The following RYR2 variants were observed in gnomAD, a reference collection of about 807,000 sequenced individuals.
The protein encoded by RYR2 is cardiac muscle ryanodine receptor-calcium release channel.
RYR2 carries 227 observed loss-of-function variants against 601.1 expected under a neutral mutation model. The observed-to-expected ratio is 0.38, with a 90% CI of 0.34 to 0.42. The LOEUF (loss-of-function observed/expected upper bound fraction) is 0.42, where lower values mean the gene tolerates loss of function less well. Ranked by LOEUF, RYR2 falls within the 10% of genes least tolerant of loss-of-function variation. RYR2 has a pLI of 1.00. For synonymous variants in RYR2, 2,223 were observed against 2,175.1 expected (o/e 1.02, Z -0.61); for missense variants, 4,646 against 6,156.5 (o/e 0.75, Z 8.21).
At chr1:237,150,434 G>C (rs1234692507) in intron 1 of RYR2, among the ~76,000 whole-genome samples, 1 of 152,152 alleles carries the variant, frequency 6.6e-6, no homozygotes, top group Non-Finnish European at 1.5e-5. Context: ...ATAGGGCTGG[G>C]ATGGAATCTT....
intron 104 of RYR2, among the ~76,000 whole-genome samples, chr1:237,831,774 A>C (rs1316910813): frequency 1.3e-5 from 2 of 152,248 alleles, no homozygotes; most frequent in Non-Finnish European, 2.9e-5. Flanking sequence ...TATGTAACAC[A>C]ATAAGCTTTT....
chr1:237,101,011 G>A lies in RYR2; in HGVS notation c.48+58442G>A, dbSNP rs12070071. On this transcript the variant is annotated intron_variant, in intron 1 of 104. Coordinates refer to ENST00000366574, the MANE Select transcript of RYR2 (RefSeq NM_001035.3). ...CGCCTCACTTCCTAAGCTGACAGAC[G>A]TGTCTGCTAGGGACCACCAGCTCCC... 4.3e-3 allele frequency among the ~76,000 whole-genome samples: 651 copies of A among 152,126 alleles called. 3 individuals are homozygous for A. Among genetic ancestry groups the A allele is most frequent in the African/African-American group, 0.015 (618 of 41,506 alleles).
intron 102 of RYR2, chr1:237,830,319 T>G (rs1036497559): frequency 2.2e-6 from 1 of 445,194 alleles, no homozygotes; most frequent in Non-Finnish European, 4.1e-6. Context: ...TGCTACTTCT[T>G]GCTGCTGGTA....
chr1:237,254,132 C>G (rs1036130570), intron 1 of RYR2, among the ~76,000 whole-genome samples: 5 of 152,136 alleles, frequency 3.3e-5, no homozygotes, highest in African/African-American at 1.2e-4. Context: ...TACCATGCCC[C>G]ATGTTTTTGC....
chr1:237,590,623 G>A lies in RYR2; in HGVS notation c.3808-17G>A, dbSNP rs374061574. On this transcript the variant is annotated splice_polypyrimidine_tract_variant and intron_variant, in intron 30 of 104. Transcript: ENST00000366574. ...AATGGTGATTGGAATGTGAACTATC[G>A]CTTCTTCGTTTGCTAGGTGACCAGA... is the stretch of plus-strand genomic sequence containing the variant. 1.9e-5 allele frequency: 29 copies of A among 1,491,666 alleles called. No homozygotes were observed. Among genetic ancestry groups the A allele is most frequent in the Middle Eastern group, 3.6e-4 (2 of 5,554 alleles). The allele number at this position is 1,491,666 out of a possible 1,614,324, so 92.4% of individuals were successfully genotyped here.
chr1:237,556,542 G>C (rs926026964), intron 27 of RYR2, among the ~76,000 whole-genome samples: 5 of 148,962 alleles, frequency 3.4e-5, no homozygotes, highest in Admixed American at 2.0e-4. Flanking sequence ...AACTCCTGAT[G>C]TTGTGATCCA....
chr1:237,220,594 G>A (rs7541818), intron 1 of RYR2, among the ~76,000 whole-genome samples: 60,292 of 151,964 alleles, frequency 0.4, 12,401 homozygotes, highest in East Asian at 0.58. Flanking sequence ...TCTGTTTCTC[G>A]GGAGACACCT....
At chr1:237,437,155 C>G (rs1481114186) in intron 12 of RYR2, among the ~76,000 whole-genome samples, 1 of 151,982 alleles carries the variant, frequency 6.6e-6, no homozygotes, top group Non-Finnish European at 1.5e-5. Flanking sequence ...CGCCATTCTC[C>G]TGCCTCAGCC....
At chr1:237,727,528 A>G (rs1198185095) in intron 76 of RYR2, among the ~76,000 whole-genome samples, 1 of 152,056 alleles carries the variant, frequency 6.6e-6, no homozygotes, top group Non-Finnish European at 1.5e-5. Flanking sequence ...CTTGATTTGA[A>G]TTCTGACCTC....
chr1:237,382,676 T>C (rs1375203576), intron 8 of RYR2, among the ~76,000 whole-genome samples: 1 of 152,068 alleles, frequency 6.6e-6, no homozygotes, highest in African/African-American at 2.4e-5. Context: ...GGTTTTAAAT[T>C]TCTAATAAAA....
chr1:237,576,523 T>C (rs10157121), intron 29 of RYR2, among the ~76,000 whole-genome samples: 43,180 of 151,684 alleles, frequency 0.28, 6,555 homozygotes, highest in East Asian at 0.6. Flanking sequence ...CTGTGACAAA[T>C]GGGGATCTGT....
At chr1:237,062,938 G>A (rs1201985365) in intron 1 of RYR2, among the ~76,000 whole-genome samples, 1 of 151,586 alleles carries the variant, frequency 6.6e-6, no homozygotes, top group South Asian at 2.1e-4. Context: ...AAAAATATCA[G>A]TTTAGAATTA....
At chr1:237,716,643 A>C (rs982203633) in intron 71 of RYR2, among the ~76,000 whole-genome samples, 2 of 152,146 alleles carry the variant, frequency 1.3e-5, no homozygotes, top group Non-Finnish European at 2.9e-5. Context: ...ATGAAACTCC[A>C]ATGAGTATAT....
intron 12 of RYR2, among the ~76,000 whole-genome samples, chr1:237,432,175 C>T (rs906443676): frequency 1.7e-4 from 25 of 146,176 alleles, no homozygotes; most frequent in African/African-American, 6.2e-4. Flanking sequence ...TCCCTTCATT[C>T]CATGTATCCC....
At chr1:237,088,565 T>A (rs1348028812) in intron 1 of RYR2, among the ~76,000 whole-genome samples, 1 of 152,060 alleles carries the variant, frequency 6.6e-6, no homozygotes, top group Non-Finnish European at 1.5e-5. Flanking sequence ...GGCATTGGTG[T>A]TGTACGTTTC....
intron 1 of RYR2, among the ~76,000 whole-genome samples, chr1:237,250,263 A>G (rs1373031371): frequency 6.6e-6 from 1 of 152,142 alleles, no homozygotes; most frequent in Non-Finnish European, 1.5e-5. Flanking sequence ...CACAGACACT[A>G]TCATGATCAG....
rs150681228 is a variant in RYR2 at position 237,219,148 on chromosome 1, A to G, written c.49-51349A>G. Among the ~76,000 whole-genome samples the G allele has an allele frequency of 3.1e-3, 465 of 151,006 alleles. 1 individual carries two copies. Among genetic ancestry groups the G allele is most frequent in the Middle Eastern group, 0.031 (9 of 294 alleles). ...TGCCTCAGCCTCTCGAATAGCTGGG[A>G]TTACAGGCCTGTGCCACCCCGCCCA... is the stretch of plus-strand genomic sequence containing the variant. On this transcript the variant is annotated intron_variant, in intron 1 of 104. Transcript: ENST00000366574.
At chr1:237,047,759 C>T (rs1003209378) in intron 1 of RYR2, among the ~76,000 whole-genome samples, 2 of 152,118 alleles carry the variant, frequency 1.3e-5, no homozygotes, top group African/African-American at 4.8e-5. Flanking sequence ...CATTTCTGAT[C>T]ATGCTTTTTC....
intron 17 of RYR2, among the ~76,000 whole-genome samples, chr1:237,487,548 C>T (rs764718053): frequency 7.4e-6 from 1 of 135,932 alleles, no homozygotes; most frequent in Non-Finnish European, 1.5e-5. Flanking sequence ...AGACCACCCC[C>T]GTCTCTACAA....
Sources: gnomAD v4.1 joint callset for allele counts (sites outside exome capture counted in the v4.1 genomes callset) on GRCh38, gnomAD v4.1.1 for gene constraint, MANE v1.5 for transcripts, NCBI Gene and HGNC (gene_info 2026-07-23, HGNC 2026-07-21) for gene names.